CWF19L2: variants seen among roughly 807,000 people sequenced by gnomAD.
CWF19L2 encodes the protein CWF19-like protein 2.
CWF19L2 carries 98 observed loss-of-function variants against 111.7 expected under a neutral mutation model. The ratio of observed to expected loss-of-function variants is 0.88; its 90% CI spans 0.75 to 1.04. CWF19L2 has a LOEUF of 1.04. Ranked by LOEUF, CWF19L2 falls within the 50% of genes least tolerant of loss-of-function variation. The pLI, the probability that CWF19L2 is intolerant of heterozygous loss-of-function variation, is 0.00. For synonymous variants in CWF19L2, 351 were observed against 342.9 expected, an observed-to-expected ratio of 1.02 and a Z score of -0.26; for missense variants, 1,101 against 1,051.4, an observed-to-expected ratio of 1.05 and a Z score of -0.65.
chr11:107,431,932 C>A (rs907855670), intron 7 of CWF19L2, among the ~76,000 whole-genome samples: 63 of 151,982 alleles, frequency 4.1e-4, no homozygotes, highest in Admixed American at 1.2e-3. Flanking sequence ...TCATACCATG[C>A]ACAAATATAT....
chr11:107,369,188 T>C (rs1860474695), intron 12 of CWF19L2, among the ~76,000 whole-genome samples: 1 of 137,962 alleles, frequency 7.2e-6, no homozygotes, highest in Non-Finnish European at 1.6e-5. Context: ...TCTTCATTAT[T>C]TGTGCTCTCT....
chr11:107,339,927 C>CA (rs1464141186), intron 14 of CWF19L2, among the ~76,000 whole-genome samples: 1 of 152,088 alleles, frequency 6.6e-6, no homozygotes, highest in Non-Finnish European at 1.5e-5. Context: ...CTCAGCCTCC[C>CA]AAAGTCCTGA....
intron 12 of CWF19L2, among the ~76,000 whole-genome samples, chr11:107,380,936 A>G (rs1035807645): frequency 6.6e-6 from 1 of 152,246 alleles, no homozygotes; most frequent in Non-Finnish European, 1.5e-5. Context: ...ACTTGAAAAC[A>G]TTATGTTAAG....
intron 12 of CWF19L2, among the ~76,000 whole-genome samples, chr11:107,362,533 C>A (rs1391768711): frequency 6.6e-6 from 1 of 151,988 alleles, no homozygotes; most frequent in East Asian, 1.9e-4. Context: ...CCCGAGCAGC[C>A]TAACTGGGAG....
At chr11:107,447,336 C>G (rs1485347010) in intron 3 of CWF19L2, among the ~76,000 whole-genome samples, 1 of 151,956 alleles carries the variant, frequency 6.6e-6, no homozygotes, top group East Asian at 1.9e-4. Context: ...CTTAAAGGAC[C>G]CCTGGAGTCT....
chr11:107,334,119 T>A (rs905876856), intron 16 of CWF19L2, among the ~76,000 whole-genome samples: 1 of 147,692 alleles, frequency 6.8e-6, no homozygotes, highest in African/African-American at 2.7e-5. Context: ...CTGGAATCTT[T>A]CTGTTTTGTT....
chr11:107,407,044 T>G (rs748799911), intron 10 of CWF19L2, among the ~76,000 whole-genome samples: 3 of 152,088 alleles, frequency 2.0e-5, no homozygotes, highest in Non-Finnish European at 4.4e-5. Flanking sequence ...GCAAGTGTTT[T>G]TCTTTTCTTT....
In CWF19L2 at chr11:107,443,063, G is replaced by C; in HGVS notation, c.340-14C>G. 1 of 1,484,410 alleles carries C rather than the reference G, an allele frequency of 6.7e-7. No individual in the cohort carries two copies. The highest frequency in any genetic ancestry group is 9.2e-7 in the Non-Finnish European group (1 of 1,085,670). The allele number at this position is 1,484,410 out of a possible 1,614,324, so 92.0% of individuals were successfully genotyped here. On this transcript the variant is annotated splice_polypyrimidine_tract_variant and intron_variant, in intron 3 of 17. Transcript: ENST00000282251. The stretch of plus-strand genomic sequence containing the variant: ...ATCTTCAGAGCTCTAAGAACATTTA[G>C]CATATAAGTGAAATTGTCAAATTTG...
intron 3 of CWF19L2, among the ~76,000 whole-genome samples, chr11:107,443,478 C>CAA (rs34205274): frequency 2.0e-5 from 3 of 148,318 alleles, no homozygotes; most frequent in South Asian, 2.1e-4. Flanking sequence ...GACTCCGTCT[C>CAA]AAAAAAAAAA....
chr11:107,380,444 A>T (rs117248449), intron 12 of CWF19L2, among the ~76,000 whole-genome samples: 1,972 of 152,306 alleles, frequency 0.013, 25 homozygotes, highest in South Asian at 0.039. Context: ...CTTTGATTAA[A>T]ATCTGAGAGA....
chr11:107,418,949 G>A (rs1356944736), intron 8 of CWF19L2, among the ~76,000 whole-genome samples: 1 of 152,198 alleles, frequency 6.6e-6, no homozygotes, highest in Non-Finnish European at 1.5e-5. Flanking sequence ...AAGGATTTCT[G>A]AGTAAAGGAG....
intron 6 of CWF19L2, among the ~76,000 whole-genome samples, chr11:107,437,762 T>C (rs1245188869): frequency 6.6e-6 from 1 of 152,190 alleles, no homozygotes; most frequent in Non-Finnish European, 1.5e-5. Context: ...AAAGAACCTG[T>C]CAACTGGCAA....
intron 13 of CWF19L2, among the ~76,000 whole-genome samples, chr11:107,353,226 T>G (rs1376032114): frequency 1.3e-5 from 2 of 152,172 alleles, no homozygotes; most frequent in African/African-American, 4.8e-5. Context: ...TTTTCCCCAG[T>G]GACTAATTAG....
intron 14 of CWF19L2, 73 bp from the exon 15 acceptor site, chr11:107,336,786 G>T: frequency 2.5e-6 from 2 of 804,826 alleles, no homozygotes; most frequent in African/African-American, 1.8e-5. Context: ...CAAGATATTT[G>T]AAATATGAAA....
At chr11:107,404,188 G>C in intron 10 of CWF19L2, 1 of 776,320 alleles carries the variant, frequency 1.3e-6, no homozygotes, top group South Asian at 1.3e-5. Context: ...GTATGTGGGG[G>C]AATTATGATA....
intron 16 of CWF19L2, among the ~76,000 whole-genome samples, chr11:107,330,609 CCTCT>C (rs10534114): frequency 0.038 from 5,651 of 148,566 alleles, 272 homozygotes; most frequent in East Asian, 0.2. Context: ...TCCTTCCCTC[CCTCT>C]CTCTTTCTCT....
intron 12 of CWF19L2, among the ~76,000 whole-genome samples, chr11:107,357,426 C>T (rs946389193): frequency 6.6e-6 from 1 of 152,132 alleles, no homozygotes; most frequent in Non-Finnish European, 1.5e-5. Context: ...CATAATTGTG[C>T]CTTCATATGA....
At chr11:107,383,164 G>A (rs1413897631) in intron 12 of CWF19L2, among the ~76,000 whole-genome samples, 11 of 152,178 alleles carry the variant, frequency 7.2e-5, no homozygotes, top group Admixed American at 2.6e-4. Flanking sequence ...AATCGTACCC[G>A]AAGTGGGGGG....
chr11:107,434,678 A>AG, intron 6 of CWF19L2, among the ~76,000 whole-genome samples: 1 of 101,518 alleles, frequency 9.9e-6, no homozygotes, highest in African/African-American at 3.6e-5. Context: ...ACAGCAAAAA[A>AG]AAAAAAAAAA....
Sources: gnomAD v4.1 joint callset for allele counts (sites outside exome capture counted in the v4.1 genomes callset) on GRCh38, gnomAD v4.1.1 for gene constraint, MANE v1.5 for transcripts, NCBI Gene and HGNC (gene_info 2026-07-23, HGNC 2026-07-21) for gene names.